The following STXBP5 variants were observed in gnomAD, a reference collection of about 807,000 sequenced individuals.
STXBP5 encodes the protein syntaxin binding protein 5, also known as syntaxin-binding protein 5.
A neutral mutation model predicts 152.4 loss-of-function variants in STXBP5; 50 were observed. The ratio of observed to expected loss-of-function variants is 0.33; its 90% CI spans 0.26 to 0.42. The LOEUF (loss-of-function observed/expected upper bound fraction) is 0.42, where lower values mean the gene tolerates loss of function less well. STXBP5 is among the 10% of genes least tolerant of loss of function. The pLI is 1.00. For missense variants in STXBP5, 1,167 were observed against 1,388.6 expected, an observed-to-expected ratio of 0.84 and a Z score of 2.54; for synonymous variants, 492 against 494.7, an observed-to-expected ratio of 0.99 and a Z score of 0.07.
At chr6:147,313,252 A>G (rs949948970) in intron 11 of STXBP5, among the ~76,000 whole-genome samples, 11 of 152,168 alleles carry the variant, frequency 7.2e-5, no homozygotes, top group Non-Finnish European at 1.5e-4. Context: ...GGTTTTCCAG[A>G]CTATTCTCAT....
intron 22 of STXBP5, among the ~76,000 whole-genome samples, chr6:147,356,508 A>C (rs1480373602): frequency 2.0e-5 from 3 of 151,772 alleles, no homozygotes; most frequent in Admixed American, 2.0e-4. Flanking sequence ...TTGATTATGG[A>C]AAGTTGTTTC....
intron 2 of STXBP5, among the ~76,000 whole-genome samples, chr6:147,226,340 C>G (rs1190781753): frequency 6.6e-6 from 1 of 151,708 alleles, no homozygotes; most frequent in African/African-American, 2.4e-5. Context: ...AAACATGTTT[C>G]TTAGGTTTTA....
At chr6:147,296,072 A>C (rs1383485844) in intron 9 of STXBP5, among the ~76,000 whole-genome samples, 4 of 152,112 alleles carry the variant, frequency 2.6e-5, no homozygotes, top group Non-Finnish European at 5.9e-5. Context: ...CCAAAAAAAA[A>C]CAGATGGTCC....
At chr6:147,265,855 C>T (rs7744113) in intron 6 of STXBP5, among the ~76,000 whole-genome samples, 53 of 151,324 alleles carry the variant, frequency 3.5e-4, no homozygotes, top group African/African-American at 1.2e-3. Flanking sequence ...ACAGACTGCA[C>T]GATAATTCAA....
intron 22 of STXBP5, among the ~76,000 whole-genome samples, chr6:147,357,281 A>G (rs1784858534): frequency 6.6e-6 from 1 of 152,046 alleles, no homozygotes; most frequent in South Asian, 2.1e-4. Context: ...TAGGTAGGAG[A>G]AAAGGCTGAT....
Position 147,334,143 on chromosome 6 carries a change from T to C in STXBP5, c.2081-14T>C. On this transcript the variant is annotated splice_polypyrimidine_tract_variant and intron_variant, in intron 18 of 27. Coordinates refer to ENST00000321680, the MANE Select transcript of STXBP5 (RefSeq NM_001127715.4). ...AATGTATGGGTTGATTTGTTTTTTG[T>C]TTTTGTTTTGTAGCCGGTCTGTGTG... The C allele has an allele frequency of 6.2e-7, 1 of 1,611,242 alleles. No individual in the cohort carries two copies. The highest frequency in any genetic ancestry group is 8.5e-7 in the Non-Finnish European group (1 of 1,179,072).
At chr6:147,283,589 A>G (rs1285029931) in intron 8 of STXBP5, among the ~76,000 whole-genome samples, 1 of 152,164 alleles carries the variant, frequency 6.6e-6, no homozygotes, top group African/African-American at 2.4e-5. Context: ...GTCCACCTCG[A>G]GTCACCAAGA....
At chr6:147,216,145 G>A (rs904289860) in intron 2 of STXBP5, among the ~76,000 whole-genome samples, 3 of 152,024 alleles carry the variant, frequency 2.0e-5, no homozygotes, top group African/African-American at 4.8e-5. Flanking sequence ...TAATCCCAGC[G>A]CTTTGGGAGG....
intron 18 of STXBP5, among the ~76,000 whole-genome samples, chr6:147,328,341 A>G (rs1179706604): frequency 1.3e-5 from 2 of 152,158 alleles, no homozygotes; most frequent in South Asian, 2.1e-4. Flanking sequence ...TACTTAACTC[A>G]TTTGCAGAAT....
rs112443899 is a variant in STXBP5 at position 147,262,575 on chromosome 6, CTT to C, written c.630+223_630+224del. 2.0e-5 allele frequency among the ~76,000 whole-genome samples: 3 copies of C among 152,018 alleles called. 1 individual carries two copies. The highest frequency in any genetic ancestry group is 7.2e-5 in the African/African-American group (3 of 41,518). On this transcript the variant is annotated intron_variant, in intron 6 of 27. Transcript: ENST00000321680. ...ACAATACCTTAAAACATAAGTCAAA[CTT>C]AATGCATATAATTACAGGTTATTAA...
chr6:147,270,288 A>G (rs1780096246), intron 7 of STXBP5, among the ~76,000 whole-genome samples: 1 of 151,606 alleles, frequency 6.6e-6, no homozygotes, highest in African/African-American at 2.4e-5. Context: ...AGTCCCAGCT[A>G]CTTGGGAGGC....
chr6:147,245,270 A>G (rs1015442983), intron 4 of STXBP5, among the ~76,000 whole-genome samples: 3 of 152,174 alleles, frequency 2.0e-5, no homozygotes, highest in Non-Finnish European at 4.4e-5. Flanking sequence ...CTGTAAAACA[A>G]AAGTAGGCTA....
intron 6 of STXBP5, among the ~76,000 whole-genome samples, chr6:147,262,943 C>A (rs1428623722): frequency 6.6e-6 from 1 of 151,658 alleles, no homozygotes; most frequent in Non-Finnish European, 1.5e-5. Context: ...CTATTTCAAA[C>A]CAGTCTTTCA....
chr6:147,315,407 TG>T, intron 14 of STXBP5, 107 bp from the exon 15 acceptor site: 2 of 656,854 alleles, frequency 3.0e-6, no homozygotes, highest in East Asian at 5.6e-5. Flanking sequence ...GAAAATATGA[TG>T]TAGTTAAATA....
At chr6:147,303,061 G>A (rs1231897667) in intron 9 of STXBP5, among the ~76,000 whole-genome samples, 1 of 152,080 alleles carries the variant, frequency 6.6e-6, no homozygotes, top group Non-Finnish European at 1.5e-5. Flanking sequence ...TTGCTTTTCA[G>A]TAGTATCTGT....
intron 8 of STXBP5, among the ~76,000 whole-genome samples, chr6:147,279,303 C>G (rs2128342329): frequency 6.6e-6 from 1 of 152,168 alleles, no homozygotes; most frequent in East Asian, 1.9e-4. Context: ...CCACCCTCAC[C>G]CTACGAGAAT....
At chr6:147,297,266 A>G (rs1296635989) in intron 9 of STXBP5, among the ~76,000 whole-genome samples, 1 of 152,206 alleles carries the variant, frequency 6.6e-6, no homozygotes, top group African/African-American at 2.4e-5. Context: ...TTCTCAGCAG[A>G]AGCCTTGCAG....
intron 5 of STXBP5, among the ~76,000 whole-genome samples, 192 bp downstream of exon 5, chr6:147,260,941 T>C (rs1410845959): frequency 1.3e-5 from 2 of 152,120 alleles, no homozygotes; most frequent in African/African-American, 4.8e-5. Context: ...ATTATGCATA[T>C]GTATATAGAG....
intron 4 of STXBP5, among the ~76,000 whole-genome samples, chr6:147,253,014 A>T (rs1779177187): frequency 6.6e-6 from 1 of 152,158 alleles, no homozygotes; most frequent in Admixed American, 6.5e-5. Flanking sequence ...CAAAAAAAGA[A>T]GTTTTCAAGA....
Sources: allele counts gnomAD v4.1 joint callset (sites outside exome capture counted in the v4.1 genomes callset), GRCh38; gene constraint gnomAD v4.1.1; transcripts MANE v1.5; gene names NCBI Gene and HGNC (gene_info 2026-07-23, HGNC 2026-07-21).